Variants in SLC44A5 observed in about 807,000 individuals in gnomAD.
The protein encoded by SLC44A5 is solute carrier family 44 member 5.
SLC44A5 carries 57 observed loss-of-function variants against 101.8 expected under a neutral mutation model. The ratio of observed to expected loss-of-function variants is 0.56; its 90% CI spans 0.45 to 0.70. The LOEUF is 0.70. Ranked by LOEUF, SLC44A5 falls within the 30% of genes least tolerant of loss-of-function variation. SLC44A5 has a pLI of 0.00. For missense variants in SLC44A5, 737 were observed against 853.1 expected (o/e 0.86, Z 1.70); for synonymous variants, 281 against 290.9 (o/e 0.97, Z 0.35).
At chr1:75,692,959 A>G in the SLC44A5 span, among the ~76,000 whole-genome samples, 4 of 152,186 alleles carry the variant, frequency 2.6e-5, no homozygotes, top group African/African-American at 7.2e-5. Flanking sequence ...TGAAGGAAAA[A>G]GGGGCAAGAC....
At chr1:75,430,588 G>T (rs145695368) in intron 2 of SLC44A5, among the ~76,000 whole-genome samples, 1 of 152,156 alleles carries the variant, frequency 6.6e-6, no homozygotes, top group Non-Finnish European at 1.5e-5. Flanking sequence ...TCATTGATGT[G>T]CCAAGAAACT....
rs1166255936 is a variant in SLC44A5, at chr1:75,248,434, T to A, written c.345+2776A>T. Among the ~76,000 whole-genome samples the A allele has an allele frequency of 4.6e-5, 7 of 152,190 alleles. No individual in the cohort carries two copies. The East Asian group carries it at 1.4e-3, about 29-fold the overall frequency. On this transcript the variant is annotated intron_variant, in intron 7 of 23. Transcript: ENST00000370859. Reference sequence around the variant, plus strand: ...GGGCTGGTCTTAGAAGCACAGGCAGTTCACCCATGGGGAATTAGAGGGAAG... The same window carrying A: ...GGGCTGGTCTTAGAAGCACAGGCAGATCACCCATGGGGAATTAGAGGGAAG...
At chr1:75,632,189 G>T in the SLC44A5 span, among the ~76,000 whole-genome samples, 1 of 152,032 alleles carries the variant, frequency 6.6e-6, no homozygotes, top group Non-Finnish European at 1.5e-5. Context: ...TTGTTCATAT[G>T]ATGCTTATGT....
At chr1:75,676,773 A>G in the SLC44A5 span, among the ~76,000 whole-genome samples, 3 of 152,226 alleles carry the variant, frequency 2.0e-5, no homozygotes, top group Non-Finnish European at 2.9e-5. Context: ...CAAGAAGGTT[A>G]TAGAACACCA....
chr1:75,631,963 G>A, the SLC44A5 span, among the ~76,000 whole-genome samples: 1 of 152,116 alleles, frequency 6.6e-6, no homozygotes, highest in Admixed American at 6.5e-5. Context: ...ACCCTGCCTG[G>A]ACAGTATCAC....
chr1:75,660,976 T>G, the SLC44A5 span, among the ~76,000 whole-genome samples: 1 of 152,000 alleles, frequency 6.6e-6, no homozygotes, highest in Admixed American at 6.6e-5. Context: ...TCCACAGAAA[T>G]AGAAAAACAA....
At chr1:75,476,681 C>A (rs1012868154) in intron 2 of SLC44A5, among the ~76,000 whole-genome samples, 2 of 152,232 alleles carry the variant, frequency 1.3e-5, no homozygotes. Context: ...AACTGCAAGG[C>A]GGCAGCAAGG....
chr1:75,230,452 T>C (rs760411843), intron 12 of SLC44A5, among the ~76,000 whole-genome samples: 34 of 151,718 alleles, frequency 2.2e-4, no homozygotes, highest in Non-Finnish European at 4.6e-4. Context: ...GGTTTCACCA[T>C]GTTGGCCAGG....
chr1:75,503,659 G>A (rs1167974302), intron 2 of SLC44A5, among the ~76,000 whole-genome samples: 1 of 152,108 alleles, frequency 6.6e-6, no homozygotes, highest in Non-Finnish European at 1.5e-5. Context: ...AGTAATATGT[G>A]CTGTAATCAA....
chr1:75,429,187 C>G (rs887546506), intron 2 of SLC44A5, among the ~76,000 whole-genome samples: 1 of 152,232 alleles, frequency 6.6e-6, no homozygotes, highest in South Asian at 2.1e-4. Flanking sequence ...TAAAAGAATA[C>G]CTGGAATGTT....
chr1:75,646,040 T>C, the SLC44A5 span, among the ~76,000 whole-genome samples: 9 of 134,932 alleles, frequency 6.7e-5, no homozygotes, highest in African/African-American at 2.2e-4. Context: ...TGTAGCTTTG[T>C]AGTATAGTTT....
the SLC44A5 span, among the ~76,000 whole-genome samples, chr1:75,721,160 T>C: frequency 6.6e-6 from 1 of 152,192 alleles, no homozygotes; most frequent in Non-Finnish European, 1.5e-5. Flanking sequence ...CAACCCCCAC[T>C]TCCCATCATG....
intron 1 of SLC44A5, among the ~76,000 whole-genome samples, chr1:75,579,955 T>C (rs958220905): frequency 3.3e-5 from 5 of 152,252 alleles, no homozygotes; most frequent in Admixed American, 1.3e-4. Flanking sequence ...TTTGGATGTT[T>C]TTAATAATTC....
At position 75,348,425 on chromosome 1, in the gene SLC44A5, C is replaced by T. The variant is rs946450960; in HGVS notation, c.53-8795G>A. ...AGATGAGGGCTCAAATAGACTGTCC[C>T]TCCATACAGTTGGAACTTTAGAGAG... On this transcript the variant is annotated intron_variant, in intron 3 of 23. Coordinates refer to ENST00000370859, the MANE Select transcript of SLC44A5 (RefSeq NM_001130058.2). Among the ~76,000 whole-genome samples, 4 of 152,068 alleles carry T rather than the reference C, an allele frequency of 2.6e-5. 1 individual carries two copies. Among genetic ancestry groups the T allele is most frequent in the Non-Finnish European group, 4.4e-5 (3 of 68,010 alleles).
chr1:75,548,784 C>T (rs1671787536), intron 1 of SLC44A5, among the ~76,000 whole-genome samples: 1 of 152,130 alleles, frequency 6.6e-6, no homozygotes, highest in Non-Finnish European at 1.5e-5. Context: ...CCAAAGCTCC[C>T]ACTTTGTAGA....
In SLC44A5 at chr1:75,274,807, T is replaced by C. The variant is rs371178184; in HGVS notation, c.260+151A>G. On this transcript the variant is annotated intron_variant, in intron 6 of 23. Coordinates refer to ENST00000370859, the MANE Select transcript of SLC44A5 (RefSeq NM_001130058.2). The stretch of plus-strand genomic sequence containing the variant: ...GACATATAATATAAAACTTCCCAAC[T>C]GCTTATAGCTATCTGTTAGAAAAAA... 79 of 605,674 alleles carry C rather than the reference T, an allele frequency of 1.3e-4. 1 individual carries two copies. The highest frequency in any genetic ancestry group is 4.5e-4 in the East Asian group (16 of 35,414). The allele number at this position is 605,674 out of a possible 1,614,324, so 37.5% of individuals were successfully genotyped here.
intron 2 of SLC44A5, among the ~76,000 whole-genome samples, chr1:75,476,964 G>A (rs1213995724): frequency 6.6e-6 from 1 of 152,226 alleles, no homozygotes; most frequent in Non-Finnish European, 1.5e-5. Flanking sequence ...GTGGGTCCCT[G>A]ACCCCTGACC....
chr1:75,213,254 A>G (rs1190843579), intron 22 of SLC44A5, among the ~76,000 whole-genome samples: 1 of 152,174 alleles, frequency 6.6e-6, no homozygotes, highest in Non-Finnish European at 1.5e-5. Flanking sequence ...GGTTGGCATA[A>G]AGTAAGACCA....
chr1:75,422,628 G>A (rs1664077029), intron 2 of SLC44A5, among the ~76,000 whole-genome samples: 1 of 152,186 alleles, frequency 6.6e-6, no homozygotes, highest in South Asian at 2.1e-4. Context: ...AAATGGGAAT[G>A]TCAAAAATAG....
Sources: allele counts gnomAD v4.1 joint callset (sites outside exome capture counted in the v4.1 genomes callset), GRCh38; gene constraint gnomAD v4.1.1; transcripts MANE v1.5; gene names NCBI Gene and HGNC (gene_info 2026-07-23, HGNC 2026-07-21).